The following CACNA2D2 variants were observed in gnomAD, a reference collection of about 807,000 sequenced individuals.
CACNA2D2 encodes the protein calcium voltage-gated channel auxiliary subunit alpha2delta 2, also known as voltage-dependent calcium channel subunit alpha-2/delta-2.
CACNA2D2 carries 48 observed loss-of-function variants against 166.4 expected under a neutral mutation model. That is an observed-to-expected ratio of 0.29 (90% CI 0.23 to 0.37). The LOEUF (loss-of-function observed/expected upper bound fraction) is 0.37. Among genes scored for constraint, CACNA2D2 ranks in the 10% least tolerant of loss-of-function variants. The pLI, the probability that CACNA2D2 is intolerant of heterozygous loss-of-function variation, is 1.00. For synonymous variants in CACNA2D2, 561 were observed against 573.7 expected (o/e 0.98, Z 0.32); for missense variants, 1,122 against 1,433.0 (o/e 0.78, Z 3.50).
At chr3:50,394,038 AC>A in intron 4 of CACNA2D2, 70 bp downstream of exon 4, 2 of 1,410,592 alleles carry the variant, frequency 1.4e-6, no homozygotes, top group Non-Finnish European at 2.0e-6. Context: ...GGCAGCTCCC[AC>A]CCCCCAGCAT....
chr3:50,364,372 C>T lies in CACNA2D2; in HGVS notation c.*294G>A, dbSNP rs942393952. 1 of 392,522 alleles carries T rather than the reference C, an allele frequency of 2.5e-6. No individual in the cohort carries two copies. The highest frequency in any genetic ancestry group is 4.5e-6 in the Non-Finnish European group (1 of 220,188). 24.3% of individuals were successfully genotyped at this position (392,522 alleles called of 1,614,324 possible). A position where few individuals can be genotyped will look rare whatever the true frequency, so the allele number is the denominator to read the frequency against. ...CGGCAGCAGAGGCCTGGTTTTGGCA[C>T]CAGTGCGTGTGGCCTCCCTGTCCCA... On this transcript the variant is annotated 3_prime_UTR_variant, in exon 38 of 38. Transcript: ENST00000424201.
intron 3 of CACNA2D2, among the ~76,000 whole-genome samples, chr3:50,413,073 G>T (rs1457917366): frequency 6.6e-6 from 1 of 152,240 alleles, no homozygotes; most frequent in Non-Finnish European, 1.5e-5. Context: ...TCTAGAGCTA[G>T]GGCCCCAGGG....
In CACNA2D2 at chr3:50,503,156, A is replaced by G. The variant is rs148156797; in HGVS notation, c.206+62T>C. On this transcript the variant is annotated intron_variant, in intron 1 of 37. Coordinates refer to ENST00000424201, the MANE Select transcript of CACNA2D2 (RefSeq NM_006030.4). The stretch of plus-strand genomic sequence containing the variant: ...GGAGCGCAGGGAAGGAGTAGCGCGG[A>G]CCGGGGGCAGAGCGGGGCGCAAGGC... 10 of 1,011,644 alleles carry G rather than the reference A, an allele frequency of 9.9e-6. No individual in the cohort carries two copies. In the African/African-American group the frequency reaches 1.4e-4, roughly 14 times the overall value. The allele number at this position is 1,011,644 out of a possible 1,614,324, so 62.7% of individuals were successfully genotyped here.
intron 3 of CACNA2D2, among the ~76,000 whole-genome samples, chr3:50,417,117 G>C (rs1190569444): frequency 6.6e-6 from 1 of 152,186 alleles, no homozygotes; most frequent in Non-Finnish European, 1.5e-5. Flanking sequence ...AGATGAGACT[G>C]TTGGTGCAGC....
chr3:50,371,877 C>T lies in CACNA2D2; in HGVS notation c.1985-1497G>A, dbSNP rs587718886. ...TTCTGGGGTCACTGGGTGGGATGTG[C>T]GGGGGTGGGGAGAAAAAGACAACTC... On this transcript the variant is annotated intron_variant, in intron 22 of 37. Coordinates refer to ENST00000424201, the MANE Select transcript of CACNA2D2 (RefSeq NM_006030.4). Among the ~76,000 whole-genome samples the T allele has an allele frequency of 1.5e-4, 23 of 151,118 alleles. No homozygotes were observed. The South Asian group carries it at 4.0e-3, about 26-fold the overall frequency.
intron 3 of CACNA2D2, 56 bp downstream of exon 3, chr3:50,434,257 C>T (rs1708205232): frequency 8.2e-7 from 1 of 1,226,366 alleles, no homozygotes; most frequent in Non-Finnish European, 1.2e-6. Context: ...GGTACAGGAC[C>T]TCTCCACCTG....
chr3:50,375,903 G>A lies in CACNA2D2; in HGVS notation c.1774-23C>T, dbSNP rs749203996. The A allele has an allele frequency of 3.1e-6, 5 of 1,612,778 alleles. No individual in the cohort carries two copies. The South Asian group carries it at 4.4e-5, about 14-fold the overall frequency. On this transcript the variant is annotated intron_variant, in intron 19 of 37. Transcript: ENST00000424201. This position sits in a 1 kb window ranked among gnomAD's most constrained non-coding sequence, Gnocchi z 4.0. ...GATCTGGAAGGGCCAGAGATGTGAG[G>A]GGCAGGGCCCCTACACTCCTCTGCT...
chr3:50,438,569 G>A (rs1708452799), intron 2 of CACNA2D2, among the ~76,000 whole-genome samples: 1 of 152,206 alleles, frequency 6.6e-6, no homozygotes, highest in Non-Finnish European at 1.5e-5. Flanking sequence ...CCTGCATGCT[G>A]GCAGGAGCAA....
Position 50,490,435 on chromosome 3 carries a change from A to G in CACNA2D2, c.206+12783T>C, listed in dbSNP as rs9815191. ...CTCTAGAAAACATGCTAATGCCTGG[A>G]CCCTGCCTCCCACCCCATTAAATAA... On this transcript the variant is annotated intron_variant, in intron 1 of 37. Coordinates refer to ENST00000424201, the MANE Select transcript of CACNA2D2 (RefSeq NM_006030.4). 2.8e-3 allele frequency among the ~76,000 whole-genome samples: 431 copies of G among 152,192 alleles called. 3 individuals are homozygous for G. The highest frequency in any genetic ancestry group is 1.0e-2 in the African/African-American group (413 of 41,504).
At chr3:50,370,269 G>A (rs1183541026) in intron 23 of CACNA2D2, 51 bp downstream of exon 23, 14 of 1,320,204 alleles carry the variant, frequency 1.1e-5, no homozygotes, top group Non-Finnish European at 1.5e-5. Context: ...AGGTGGGGCC[G>A]GGGCGGTCAG....
At chr3:50,446,021 G>A (rs1021168747) in intron 2 of CACNA2D2, among the ~76,000 whole-genome samples, 4 of 152,238 alleles carry the variant, frequency 2.6e-5, no homozygotes, top group African/African-American at 7.2e-5. Flanking sequence ...TCCCGCATCC[G>A]TGCACAGTGT....
chr3:50,411,006 A>G (rs1706987570), intron 3 of CACNA2D2, among the ~76,000 whole-genome samples: 1 of 152,194 alleles, frequency 6.6e-6, no homozygotes, highest in Non-Finnish European at 1.5e-5. Flanking sequence ...TTCACCAACA[A>G]CTTTAACATC....
chr3:50,493,514 G>A (rs1430463405), intron 1 of CACNA2D2, among the ~76,000 whole-genome samples: 2 of 152,218 alleles, frequency 1.3e-5, no homozygotes, highest in Non-Finnish European at 2.9e-5. Flanking sequence ...AGGACAGACA[G>A]TTACACCAAA....
chr3:50,443,761 G>A (rs993619136), intron 2 of CACNA2D2, among the ~76,000 whole-genome samples: 3 of 152,180 alleles, frequency 2.0e-5, no homozygotes, highest in East Asian at 1.9e-4. Flanking sequence ...CCCCATCTTC[G>A]GATGTGTAAA....
intron 5 of CACNA2D2, among the ~76,000 whole-genome samples, chr3:50,384,672 C>A (rs1705504081): frequency 6.6e-6 from 1 of 152,194 alleles, no homozygotes; most frequent in Non-Finnish European, 1.5e-5. Flanking sequence ...AATCATGGAG[C>A]CAATCAGAAG....
In CACNA2D2 at chr3:50,365,378, T is replaced by C. The variant is rs1282276507; in HGVS notation, c.3076A>G (p.Ile1026Val). The change falls in exon 35 of 38, where the codon ATC becomes GTC. Residue 1026 changes from isoleucine to valine, a missense_variant. By Grantham distance (29) the Ile-to-Val change is conservative. Transcript: ENST00000424201. The surrounding 1 kb of genome is among the most constrained non-coding windows in gnomAD (Gnocchi z 4.5). Reference protein sequence around the residue: ...GSVNASYNAIIDCGNCSRLFH... With the variant: ...GSVNASYNAIVDCGNCSRLFH... ...CACCTGGAGCAGTTTCCGCAGTCGA[T>C]GATGGCGTTGTAGGAGGCGTTTACC... 5 of 1,613,416 alleles carry C rather than the reference T, an allele frequency of 3.1e-6. No homozygotes were observed. In the African/African-American group the frequency reaches 4.0e-5, roughly 13 times the overall value.
chr3:50,380,243 T>C lies in CACNA2D2; in HGVS notation c.843-225A>G, dbSNP rs914599780. 6.6e-6 allele frequency among the ~76,000 whole-genome samples: 1 copy of C among 152,196 alleles called. No individual in the cohort carries two copies. The highest frequency in any genetic ancestry group is 1.5e-5 in the Non-Finnish European group (1 of 68,050). On this transcript the variant is annotated intron_variant, in intron 8 of 37. Transcript: ENST00000424201. The surrounding 1 kb of genome is among the most constrained non-coding windows in gnomAD (Gnocchi z 4.9). ...CAAGGAAAAAGTACCAGGGGGTATA[T>C]GAGCAGGTGATCCCCAGAGGGGGCA...
chr3:50,423,663 G>A (rs961802567), intron 3 of CACNA2D2, among the ~76,000 whole-genome samples: 4 of 152,380 alleles, frequency 2.6e-5, no homozygotes, highest in Non-Finnish European at 4.4e-5. Context: ...GGCTCCAGCT[G>A]GTGTTGACAC....
chr3:50,377,133 T>C (rs1436678333), intron 17 of CACNA2D2, among the ~76,000 whole-genome samples: 1 of 152,228 alleles, frequency 6.6e-6, no homozygotes, highest in Non-Finnish European at 1.5e-5. Context: ...AATTCAAATA[T>C]CAGTATCCAC....
Sources: allele counts gnomAD v4.1 joint callset (sites outside exome capture counted in the v4.1 genomes callset), GRCh38; gene constraint gnomAD v4.1.1; non-coding constraint Gnocchi (gnomAD v3.1); transcripts MANE v1.5; gene names NCBI Gene and HGNC (gene_info 2026-07-23, HGNC 2026-07-21).